The following HSPG2 variants were observed in gnomAD, a reference collection of about 807,000 sequenced individuals.
The protein encoded by HSPG2 is basement membrane-specific heparan sulfate proteoglycan core protein.
HSPG2 carries 278 observed loss-of-function variants against 526.6 expected under a neutral mutation model. The ratio of observed to expected loss-of-function variants is 0.53; its 90% CI spans 0.48 to 0.58. The LOEUF (loss-of-function observed/expected upper bound fraction) is 0.58, where lower values mean the gene tolerates loss of function less well. HSPG2 is among the 20% of genes least tolerant of loss of function. The pLI, the probability that HSPG2 is intolerant of heterozygous loss-of-function variation, is 0.00. For synonymous variants in HSPG2, 2,465 were observed against 2,555.4 expected (o/e 0.96, Z 1.07); for missense variants, 5,354 against 6,099.5 (o/e 0.88, Z 4.07).
intron 1 of HSPG2, among the ~76,000 whole-genome samples, chr1:21,897,925 T>C (rs1450966840): frequency 6.6e-6 from 1 of 152,192 alleles, no homozygotes; most frequent in Non-Finnish European, 1.5e-5. Flanking sequence ...CTCCTTGCTG[T>C]TCACAGTGAC....
rs911358652 is a variant in HSPG2 at position 21,860,158 on chromosome 1, G to A, written c.5014+19C>T. 2 of 1,613,518 alleles carry A rather than the reference G, an allele frequency of 1.2e-6. No homozygotes were observed. The highest frequency in any genetic ancestry group is 1.7e-6 in the Non-Finnish European group (2 of 1,179,664). ...CTGCCTTGCCCATCGTCCCCATCCT[G>A]GGCCATGGTCCCACTTACTCTCTGG... is the stretch of plus-strand genomic sequence containing the variant. On this transcript the variant is annotated intron_variant, in intron 40 of 96. Transcript: ENST00000374695.
chr1:21,832,818 AT>A (rs2098010301), intron 80 of HSPG2: 1 of 596,366 alleles, frequency 1.7e-6, no homozygotes, highest in Admixed American at 2.9e-5. Context: ...AAGAAACTGA[AT>A]TTGCTTCACA....
At chr1:21,841,963 T>C in intron 69 of HSPG2, 39 bp downstream of exon 69, 1 of 1,611,024 alleles carries the variant, frequency 6.2e-7, no homozygotes. Context: ...CCCCCATGCC[T>C]GCCCCCAGCT....
At chr1:21,936,124 G>T (rs1392270995) in intron 1 of HSPG2, among the ~76,000 whole-genome samples, 1 of 152,078 alleles carries the variant, frequency 6.6e-6, no homozygotes, top group African/African-American at 2.4e-5. Context: ...GGAGAGAGTG[G>T]GGGTGGCTCT....
In HSPG2 at chr1:21,864,929, C is replaced by T. The variant is rs771181750; in HGVS notation, c.4540G>A (p.Ala1514Thr). The T allele has an allele frequency of 1.0e-5, 16 of 1,607,174 alleles. No individual in the cohort carries two copies. The highest frequency in any genetic ancestry group is 6.7e-5 in the East Asian group (3 of 44,686). ...GGTCTGTTTGAGGGCCCCGGCTGGGCGACCTCCAGGCTGACTGCGCTGATG... is the reference window on the plus strand; with the variant it reads ...GGTCTGTTTGAGGGCCCCGGCTGGGTGACCTCCAGGCTGACTGCGCTGATG... ...ASISAVSLEV[A>T]QPGPSNRPRA... Residue 1514 changes from alanine (A) to threonine (T), a missense_variant, in exon 36 of 97, where the codon GCC becomes ACC. Physicochemically the swap from Ala to Thr is moderately conservative, Grantham distance 58. Transcript: ENST00000374695. This position sits in a 1 kb window ranked among gnomAD's most constrained non-coding sequence, Gnocchi z 4.8.
chr1:21,830,880 T>C, intron 85 of HSPG2, 102 bp downstream of exon 85: 1 of 729,908 alleles, frequency 1.4e-6, no homozygotes, highest in East Asian at 2.7e-5. Flanking sequence ...GAGTGGGGGG[T>C]GTGGAAGTGC....
At chr1:21,851,348 C>T in intron 55 of HSPG2, 198 bp downstream of exon 55, 1 of 693,346 alleles carries the variant, frequency 1.4e-6, no homozygotes, top group Non-Finnish European at 2.4e-6. Context: ...TCCGAGGTCA[C>T]AAGCTAAGTG....
rs551268671 is a variant in HSPG2 at position 21,851,987 on chromosome 1, G to A, written c.6871-61C>T. 3.2e-5 allele frequency: 51 copies of A among 1,609,130 alleles called. 1 individual carries two copies. In the Admixed American group the frequency reaches 5.2e-4, roughly 16 times the overall value. On this transcript the variant is annotated intron_variant, in intron 53 of 96. Coordinates refer to ENST00000374695, the MANE Select transcript of HSPG2 (RefSeq NM_005529.7). ...CCCGGAGGCCAGCAAATGCCCCACC[G>A]CTGTCCCCCCGATCTAGGAAGTGCC...
chr1:21,835,130 A>T, intron 76 of HSPG2, 185 bp from the exon 77 acceptor site: 3 of 687,686 alleles, frequency 4.4e-6, no homozygotes, highest in Admixed American at 2.4e-5. Context: ...TTACTCACTC[A>T]CGTGTCCACT....
intron 1 of HSPG2, among the ~76,000 whole-genome samples, chr1:21,897,433 G>C (rs1337015624): frequency 2.0e-5 from 3 of 152,188 alleles, no homozygotes; most frequent in Non-Finnish European, 4.4e-5. Context: ...AAAAAACAAA[G>C]AGCCAGCCAG....
chr1:21,885,302 C>A lies in HSPG2; in HGVS notation c.1210+18G>T, dbSNP rs367927984. 37 of 1,613,776 alleles carry A rather than the reference C, an allele frequency of 2.3e-5. No homozygotes were observed. In the African/African-American group the frequency reaches 4.5e-4, roughly 20 times the overall value. The stretch of plus-strand genomic sequence containing the variant: ...ACCCAGCCCAGGGCCCGCATCTCGA[C>A]CCCAGCTCCCTGCTCACTGCAGCCA... On this transcript the variant is annotated intron_variant, in intron 10 of 96. Transcript: ENST00000374695.
At chr1:21,907,177 T>G (rs1545593) in intron 1 of HSPG2, among the ~76,000 whole-genome samples, 68,218 of 152,002 alleles carry the variant, frequency 0.45, 16,514 homozygotes, top group East Asian at 0.7. Context: ...CTGGTCCGCT[T>G]GGACCCTCCA....
In HSPG2 at chr1:21,848,851, C is replaced by A. The variant is rs759328352; in HGVS notation, c.7585+42G>T. The A allele has an allele frequency of 3.1e-6, 5 of 1,612,974 alleles. No individual in the cohort carries two copies. The highest frequency in any genetic ancestry group is 1.1e-5 in the South Asian group (1 of 91,070). On this transcript the variant is annotated intron_variant, in intron 58 of 96. Coordinates refer to ENST00000374695, the MANE Select transcript of HSPG2 (RefSeq NM_005529.7). This position sits in a 1 kb window ranked among gnomAD's most constrained non-coding sequence, Gnocchi z 4.9. The stretch of plus-strand genomic sequence containing the variant: ...GAGCTGCTGAGGGTGCAGTCGGGGT[C>A]CCCCAGCCCTCCACCATTTGCATGA...
chr1:21,856,552 G>A (rs1200886453), intron 44 of HSPG2, among the ~76,000 whole-genome samples: 1 of 152,142 alleles, frequency 6.6e-6, no homozygotes, highest in Non-Finnish European at 1.5e-5. Context: ...TGAGTAGCTG[G>A]GATTATAGGC....
Position 21,873,079 on chromosome 1 carries a change from A to C in HSPG2, c.3806T>G (p.Val1269Gly). 6.2e-7 allele frequency: 1 copy of C among 1,600,982 alleles called. No individual in the cohort carries two copies. ...QGQPCQRDSQ[V>G]PGPIGCNCDP... Reference sequence around the variant, plus strand: ...ACAGTTGCAGCCTATGGGCCCTGGCACCTGGCTGTCTCCTGAGGTGGAAGA... The same window carrying C: ...ACAGTTGCAGCCTATGGGCCCTGGCCCCTGGCTGTCTCCTGAGGTGGAAGA... Residue 1269 changes from valine to glycine, a missense_variant, in exon 31 of 97, where the codon GTG (valine) becomes GGG (glycine). Coordinates refer to ENST00000374695, the MANE Select transcript of HSPG2 (RefSeq NM_005529.7).
Position 21,842,070 on chromosome 1 carries a change from T to C in HSPG2, c.9125A>G (p.Lys3042Arg). Residue 3042 changes from lysine to arginine, a missense_variant, in exon 69 of 97, where the codon AAG becomes AGG. By Grantham distance (26) the Lys-to-Arg change is conservative. Coordinates refer to ENST00000374695, the MANE Select transcript of HSPG2 (RefSeq NM_005529.7). Reference sequence around the variant, plus strand: ...GGCTGCCCCGTCATGGATGAGGCACTTGAAGCTGGCATCCTGGCCCTGCTG... The same window carrying C: ...GGCTGCCCCGTCATGGATGAGGCACCTGAAGCTGGCATCCTGGCCCTGCTG... ...TVQQGQDASF[K>R]CLIHDGAAPI... 2 of 1,613,634 alleles carry C rather than the reference T, an allele frequency of 1.2e-6. No individual in the cohort carries two copies. Among genetic ancestry groups the C allele is most frequent in the East Asian group, 4.5e-5 (2 of 44,866 alleles).
chr1:21,869,982 G>A (rs1345600973), intron 33 of HSPG2, among the ~76,000 whole-genome samples: 16 of 152,200 alleles, frequency 1.1e-4, no homozygotes, highest in African/African-American at 1.9e-4. Flanking sequence ...GTTGCTCCTC[G>A]GCCTGACTCT....
intron 1 of HSPG2, among the ~76,000 whole-genome samples, chr1:21,902,189 C>T (rs937015098): frequency 6.6e-6 from 1 of 152,158 alleles, no homozygotes; most frequent in Non-Finnish European, 1.5e-5. Context: ...GCCTTTAATC[C>T]CCTGGCAGTC....
chr1:21,903,611 T>TA (rs1303631814), intron 1 of HSPG2, among the ~76,000 whole-genome samples: 3 of 151,768 alleles, frequency 2.0e-5, no homozygotes, highest in Middle Eastern at 3.4e-3. Context: ...AAAAAATAAA[T>TA]AAATAAAATA....
Sources: allele counts gnomAD v4.1 joint callset (sites outside exome capture counted in the v4.1 genomes callset), GRCh38; gene constraint gnomAD v4.1.1; non-coding constraint Gnocchi (gnomAD v3.1); transcripts MANE v1.5; gene names NCBI Gene and HGNC (gene_info 2026-07-23, HGNC 2026-07-21).